The following NFIC variants were observed in gnomAD, a reference collection of about 807,000 sequenced individuals.
NFIC encodes the protein nuclear factor 1 C-type.
Under a neutral mutation model 54.4 loss-of-function variants are expected in NFIC, and 12 were observed. The observed-to-expected ratio is 0.22, with a 90% CI of 0.14 to 0.36. The LOEUF (loss-of-function observed/expected upper bound fraction) is 0.36. NFIC is among the 10% of genes least tolerant of loss of function. The probability of loss-of-function intolerance (pLI) is 1.00; values close to 1 mark genes in which losing one functional copy is unlikely to be tolerated. For missense variants in NFIC, 575 were observed against 718.2 expected, an observed-to-expected ratio of 0.80 and a Z score of 2.28; for synonymous variants, 322 against 319.2, an observed-to-expected ratio of 1.01 and a Z score of -0.09.
rs565649164 is a variant in NFIC, at chr19:3,460,517, T to G, written c.1510-2235T>G. 3.5e-4 allele frequency among the ~76,000 whole-genome samples: 53 copies of G among 152,152 alleles called. No homozygotes were observed. The East Asian group carries it at 9.1e-3, about 26-fold the overall frequency. The stretch of plus-strand genomic sequence containing the variant: ...GAATTTTTTTTTGTTTTTTTTTGGT[T>G]TTTTTGGTTTTTGTTTTGAGACGGA... On this transcript the variant is annotated intron_variant, in intron 10 of 10. Coordinates refer to ENST00000443272, the MANE Select transcript of NFIC (RefSeq NM_001245002.2).
intron 2 of NFIC, among the ~76,000 whole-genome samples, chr19:3,422,027 C>T (rs1220059148): frequency 6.6e-6 from 1 of 152,108 alleles, no homozygotes; most frequent in Non-Finnish European, 1.5e-5. Context: ...ACCTCCGCCT[C>T]CGGGGTTCGA....
intron 2 of NFIC, among the ~76,000 whole-genome samples, chr19:3,418,747 G>A (rs1003695551): frequency 6.6e-6 from 1 of 152,158 alleles, no homozygotes; most frequent in African/African-American, 2.4e-5. Flanking sequence ...AGCTACTCAG[G>A]AGGCTGAGGC....
At chr19:3,438,353 CAG>C (rs938857706) in intron 6 of NFIC, among the ~76,000 whole-genome samples, 3 of 151,528 alleles carry the variant, frequency 2.0e-5, no homozygotes, top group Non-Finnish European at 2.9e-5. Flanking sequence ...CAGGGAATGT[CAG>C]AGGAGGTCTG....
At chr19:3,416,886 CTTTT>C (rs371348767) in intron 2 of NFIC, among the ~76,000 whole-genome samples, 1 of 131,982 alleles carries the variant, frequency 7.6e-6, no homozygotes, top group Non-Finnish European at 1.6e-5. Flanking sequence ...AATCCCAGTG[CTTTT>C]TTTTTTTTTT....
Position 3,459,010 on chromosome 19 carries a change from C to A in NFIC, c.1509+2375C>A, listed in dbSNP as rs757834409. On this transcript the variant is annotated intron_variant, in intron 10 of 10. Transcript: ENST00000443272. This position sits in a 1 kb window ranked among gnomAD's most constrained non-coding sequence, Gnocchi z 4.2. Reference sequence around the variant, plus strand: ...CCGGGCGCCGCCACCTCCCTGCAGACCCCGGAGAGAGGGAGGGAAGAAGCA... The same window carrying A: ...CCGGGCGCCGCCACCTCCCTGCAGAACCCGGAGAGAGGGAGGGAAGAAGCA... 5.9e-5 allele frequency among the ~76,000 whole-genome samples: 9 copies of A among 152,096 alleles called. No homozygotes were observed. Among genetic ancestry groups the A allele is most frequent in the Non-Finnish European group, 1.2e-4 (8 of 67,992 alleles).
In NFIC at chr19:3,464,762, A is replaced by AGG; in HGVS notation, c.*1994_*1995dup. ...GACCCTCCCCCATCACCCCCAAGAG[A>AGG]GGTTCGCCATCCTCTGGCCTCGAGC... On this transcript the variant is annotated 3_prime_UTR_variant, in exon 11 of 11. Transcript: ENST00000443272. 1 of 970,626 alleles carries AGG rather than the reference A, an allele frequency of 1.0e-6. No individual in the cohort carries two copies. The highest frequency in any genetic ancestry group is 1.2e-4 in the East Asian group (1 of 8,630). 60.1% of individuals were successfully genotyped at this position (970,626 alleles called of 1,614,324 possible).
At chr19:3,359,923 G>T (rs987349707) in intron 1 of NFIC, among the ~76,000 whole-genome samples, 26 of 150,084 alleles carry the variant, frequency 1.7e-4, no homozygotes, top group African/African-American at 6.1e-4. Context: ...CAAGTGGGGG[G>T]CCCCTCGCGG....
In NFIC at chr19:3,371,929, TTCCTTCCTTCCC is replaced by T. The variant is rs1220635111; in HGVS notation, c.30+5267_30+5278del. Among the ~76,000 whole-genome samples the T allele has an allele frequency of 4.1e-3, 533 of 130,572 alleles. 10 individuals carry two copies. Among genetic ancestry groups the T allele is most frequent in the African/African-American group, 0.015 (495 of 33,546 alleles). The allele number at this position is 130,572 out of a possible 152,430, so 85.7% of individuals were successfully genotyped here. ...CTTCCTTCCTTCCTTCCTTCCTTCC[TTCCTTCCTTCCC>T]TCCCTCCCTCCCTCCTTCCTTCTTT... is the stretch of plus-strand genomic sequence containing the variant. On this transcript the variant is annotated intron_variant, in intron 1 of 10. Coordinates refer to ENST00000443272, the MANE Select transcript of NFIC (RefSeq NM_001245002.2).
chr19:3,411,723 T>C (rs1452948657), intron 2 of NFIC, among the ~76,000 whole-genome samples: 1 of 152,160 alleles, frequency 6.6e-6, no homozygotes, highest in African/African-American at 2.4e-5. Flanking sequence ...GGGTAAAGTC[T>C]GCTCACATCC....
chr19:3,397,445 A>T (rs975521588), intron 2 of NFIC, among the ~76,000 whole-genome samples: 1 of 152,196 alleles, frequency 6.6e-6, no homozygotes, highest in Non-Finnish European at 1.5e-5. Flanking sequence ...GGCTGCAGCC[A>T]GGCTGGGGGC....
upstream of NFIC, among the ~76,000 whole-genome samples, chr19:3,363,264 TATATA>T (rs1394426729): frequency 1.8e-4 from 12 of 67,696 alleles, no homozygotes; most frequent in South Asian, 2.4e-3. Context: ...TATATATATA[TATATA>T]TTTTTTTTTT....
At chr19:3,405,523 G>A (rs2081634202) in intron 2 of NFIC, among the ~76,000 whole-genome samples, 2 of 152,248 alleles carry the variant, frequency 1.3e-5, no homozygotes, top group Middle Eastern at 3.4e-3. Flanking sequence ...AGCATCTTGG[G>A]GAGGAGGAAG....
chr19:3,389,409 C>T (rs748720518), intron 2 of NFIC, among the ~76,000 whole-genome samples: 2 of 152,124 alleles, frequency 1.3e-5, no homozygotes, highest in Non-Finnish European at 2.9e-5. Flanking sequence ...CAAGGCGGGT[C>T]TTCACTGAAA....
chr19:3,461,872 G>A (rs2082643850), intron 10 of NFIC, among the ~76,000 whole-genome samples: 1 of 151,478 alleles, frequency 6.6e-6, no homozygotes. Context: ...TGGCCAACAT[G>A]GTGAAACCCT....
At chr19:3,381,681 G>A (rs986810879) in intron 1 of NFIC, 31 bp from the exon 2 acceptor site, 15 of 1,608,078 alleles carry the variant, frequency 9.3e-6, no homozygotes, top group Non-Finnish European at 1.3e-5. Flanking sequence ...CGTCCCTGGC[G>A]CTCCTGACCT....
intron 2 of NFIC, among the ~76,000 whole-genome samples, chr19:3,406,799 T>G (rs1005454576): frequency 1.3e-5 from 2 of 152,044 alleles, no homozygotes; most frequent in African/African-American, 4.8e-5. Flanking sequence ...AAGTGCAGAT[T>G]CTGTGCCGGG....
intron 7 of NFIC, among the ~76,000 whole-genome samples, chr19:3,451,661 G>T (rs2145681076): frequency 6.6e-6 from 1 of 150,952 alleles, no homozygotes; most frequent in African/African-American, 2.4e-5. Context: ...TCACTATTCA[G>T]CCATTTGCAG....
rs2082607692 is a variant in NFIC, at chr19:3,459,360, G to C, written c.1509+2725G>C. 6.6e-6 allele frequency among the ~76,000 whole-genome samples: 1 copy of C among 151,928 alleles called. No homozygotes were observed. Among genetic ancestry groups the C allele is most frequent in the Non-Finnish European group, 1.5e-5 (1 of 67,988 alleles). On this transcript the variant is annotated intron_variant, in intron 10 of 10. Transcript: ENST00000443272. The surrounding 1 kb of genome is among the most constrained non-coding windows in gnomAD (Gnocchi z 4.2). ...TATCAATCCCCCCACTGTGAGGCTG[G>C]GTGGCTCTGACGCCCTGGCCCCTCC...
Position 3,468,714 on chromosome 19 carries a change from T to TG in NFIC, c.*5945_*5946insG, listed in dbSNP as rs199586457. On this transcript the variant is annotated 3_prime_UTR_variant, in exon 11 of 11. Transcript: ENST00000443272. The stretch of plus-strand genomic sequence containing the variant: ...TCCTTTTCCCTTTGAGATTTTTTTG[T>TG]TGTTGTTTCCTTTTTGTATTTTACT... 6,406 of 152,270 alleles carry TG rather than the reference T, an allele frequency of 0.042. 187 individuals are homozygous for TG. The highest frequency in any genetic ancestry group is 0.067 in the Non-Finnish European group (4,562 of 68,042). 9.4% of individuals were successfully genotyped at this position (152,270 alleles called of 1,614,324 possible).
Sources: allele counts gnomAD v4.1 joint callset (sites outside exome capture counted in the v4.1 genomes callset), GRCh38; gene constraint gnomAD v4.1.1; non-coding constraint Gnocchi (gnomAD v3.1); transcripts MANE v1.5; gene names NCBI Gene and HGNC (gene_info 2026-07-23, HGNC 2026-07-21).